Variants in LRRIQ1 observed in about 807,000 individuals in gnomAD.
The protein encoded by LRRIQ1 is leucine-rich repeat- and IQ domain-containing protein 1.
In LRRIQ1, 210 loss-of-function variants were observed where a neutral mutation model predicts 211.9. That is an observed-to-expected ratio of 0.99 (90% CI 0.89 to 1.11). The LOEUF is 1.11. LRRIQ1 is among the 50% of genes most tolerant of loss of function. The pLI is 0.00. For synonymous variants in LRRIQ1, 699 were observed against 650.1 expected (o/e 1.08, Z -1.14); for missense variants, 2,136 against 1,939.5 (o/e 1.10, Z -1.90).
downstream of LRRIQ1, among the ~76,000 whole-genome samples, chr12:85,246,495 A>G (rs551276663): frequency 7.9e-5 from 12 of 151,560 alleles, no homozygotes; most frequent in Admixed American, 3.3e-4. Context: ...GAATTTCAAA[A>G]CTTCTGTTTA....
chr12:85,070,915 TC>T (rs1218287507), intron 10 of LRRIQ1, among the ~76,000 whole-genome samples: 3 of 152,006 alleles, frequency 2.0e-5, no homozygotes, highest in Non-Finnish European at 4.4e-5. Context: ...ACATTTTTTG[TC>T]CTTGCACTAT....
intron 7 of LRRIQ1, among the ~76,000 whole-genome samples, chr12:85,054,532 T>A (rs973149463): frequency 1.3e-5 from 2 of 152,180 alleles, no homozygotes; most frequent in Non-Finnish European, 1.5e-5. Context: ...TTTTCTCAGT[T>A]CTTTATTCAG....
At chr12:85,232,973 A>T (rs1895017482) in intron 26 of LRRIQ1, 3 of 465,380 alleles carry the variant, frequency 6.4e-6, no homozygotes, top group Non-Finnish European at 1.1e-5. Flanking sequence ...ATTTTATGTG[A>T]CAGATGTAAA....
intron 1 of LRRIQ1, among the ~76,000 whole-genome samples, chr12:85,253,743 T>A (rs1216551242): frequency 6.6e-6 from 1 of 152,060 alleles, no homozygotes; most frequent in Non-Finnish European, 1.5e-5. Flanking sequence ...TACTTCCTAA[T>A]CCTTGCTGTT....
At chr12:85,208,274 G>T (rs1424738187) in intron 24 of LRRIQ1, among the ~76,000 whole-genome samples, 2 of 151,890 alleles carry the variant, frequency 1.3e-5, no homozygotes, top group Non-Finnish European at 2.9e-5. Flanking sequence ...CAAACATATA[G>T]GTATAGTAAG....
chr12:85,154,056 C>T lies in LRRIQ1; in HGVS notation c.4682C>T (p.Ala1561Val). 6.4e-7 allele frequency: 1 copy of T among 1,566,246 alleles called. No homozygotes were observed. The highest frequency in any genetic ancestry group is 1.8e-5 in the Admixed American group (1 of 56,038). The change falls in exon 23 of 27, where the codon GCA becomes GTA. Residue 1561 changes from alanine to valine, a missense_variant. Coordinates refer to ENST00000393217, the MANE Select transcript of LRRIQ1 (RefSeq NM_001079910.2). ...ISTAQQMLKR[A>V]QKMKSKKLKK... Reference sequence around the variant, plus strand: ...ACTGCTCAGCAAATGTTGAAGAGGGCACAGAAAATGAAATCGAAGAAACTA... The same window carrying T: ...ACTGCTCAGCAAATGTTGAAGAGGGTACAGAAAATGAAATCGAAGAAACTA...
chr12:85,183,712 T>C (rs1892099423), intron 24 of LRRIQ1, among the ~76,000 whole-genome samples: 1 of 152,056 alleles, frequency 6.6e-6, no homozygotes, highest in Admixed American at 6.6e-5. Context: ...CATAAAGAAA[T>C]AATTTTTAGT....
intron 11 of LRRIQ1, among the ~76,000 whole-genome samples, chr12:85,093,807 A>G (rs776539319): frequency 1.2e-4 from 19 of 152,230 alleles, no homozygotes; most frequent in Non-Finnish European, 2.4e-4. Flanking sequence ...ACAGTAGCAG[A>G]GATTTTTGAA....
chr12:85,196,993 C>G (rs1892953004), intron 24 of LRRIQ1, among the ~76,000 whole-genome samples: 1 of 151,012 alleles, frequency 6.6e-6, no homozygotes, highest in African/African-American at 2.4e-5. Context: ...AAAAAACAAA[C>G]AACCCCATCA....
intron 24 of LRRIQ1, among the ~76,000 whole-genome samples, chr12:85,201,448 A>G (rs1449217194): frequency 1.3e-5 from 2 of 151,598 alleles, no homozygotes; most frequent in Non-Finnish European, 2.9e-5. Context: ...CCAACTTACT[A>G]CTGATTCATT....
intron 8 of LRRIQ1, among the ~76,000 whole-genome samples, chr12:85,058,223 A>G (rs1881360580): frequency 6.6e-6 from 1 of 152,006 alleles, no homozygotes; most frequent in African/African-American, 2.4e-5. Flanking sequence ...AATATAAGAG[A>G]TGAGAACTGG....
chr12:85,247,964 G>A (rs562783427), downstream of LRRIQ1, among the ~76,000 whole-genome samples: 12 of 151,414 alleles, frequency 7.9e-5, no homozygotes, highest in African/African-American at 2.7e-4. Flanking sequence ...TCTTTCTTAT[G>A]GTTTACAAAG....
chr12:85,252,087 T>G (rs1895962294), intron 1 of LRRIQ1, among the ~76,000 whole-genome samples: 1 of 151,914 alleles, frequency 6.6e-6, no homozygotes, highest in Admixed American at 6.6e-5. Context: ...AAAGTAAAGA[T>G]CAGAAGACTA....
chr12:85,044,267 TAAG>T (rs1410821247), intron 3 of LRRIQ1, among the ~76,000 whole-genome samples: 5 of 152,204 alleles, frequency 3.3e-5, no homozygotes, highest in Middle Eastern at 3.4e-3. Flanking sequence ...ACTCATAAAA[TAAG>T]AAATATAATT....
chr12:85,248,640 T>G (rs577830245), downstream of LRRIQ1, among the ~76,000 whole-genome samples: 1 of 151,806 alleles, frequency 6.6e-6, no homozygotes, highest in South Asian at 2.1e-4. Flanking sequence ...TTATGAAAAG[T>G]TAGTCTTTTT....
the LRRIQ1 span, among the ~76,000 whole-genome samples, chr12:85,269,852 A>T: frequency 6.6e-6 from 1 of 152,052 alleles, no homozygotes; most frequent in Non-Finnish European, 1.5e-5. Flanking sequence ...TGGCTTAAAT[A>T]ACAAATATTT....
intron 1 of LRRIQ1, chr12:85,262,868 AT>A: frequency 1.1e-6 from 1 of 871,696 alleles, no homozygotes; most frequent in Non-Finnish European, 1.4e-6. Context: ...AATATAATGT[AT>A]TTGGTTCATA....
rs1565834028 is a variant in LRRIQ1, at chr12:85,102,949, A to ATATATATATAT, written c.3210-1055_3210-1054insTATATATATAT. Among the ~76,000 whole-genome samples the ATATATATATAT allele has an allele frequency of 6.6e-5, 7 of 106,220 alleles. No homozygotes were observed. In the East Asian group the frequency reaches 2.0e-3, roughly 30 times the overall value. The allele number at this position is 106,220 out of a possible 152,430, so 69.7% of individuals were successfully genotyped here. On this transcript the variant is annotated intron_variant, in intron 13 of 26. Coordinates refer to ENST00000393217, the MANE Select transcript of LRRIQ1 (RefSeq NM_001079910.2). ...GAAGGCTTTTCTAATTGTGGCAAAAAAAAAAAAAAAATATATATATATATA... is the reference window on the plus strand; with the variant it reads ...GAAGGCTTTTCTAATTGTGGCAAAAATATATATATATAAAAAAAAAAATATATATATATATA...
intron 24 of LRRIQ1, among the ~76,000 whole-genome samples, chr12:85,215,825 G>A (rs1403150250): frequency 1.3e-5 from 2 of 152,036 alleles, no homozygotes; most frequent in Admixed American, 1.3e-4. Context: ...ACACAGCAAC[G>A]CAGATACATT....
Sources: gnomAD v4.1 joint callset for allele counts (sites outside exome capture counted in the v4.1 genomes callset) on GRCh38, gnomAD v4.1.1 for gene constraint, MANE v1.5 for transcripts, NCBI Gene and HGNC (gene_info 2026-07-23, HGNC 2026-07-21) for gene names.